KRABD5: variants seen among roughly 807,000 people sequenced by gnomAD.
The protein encoded by KRABD5 is KRAB domain-containing protein 5.
the KRABD5 span, chr16:31,755,724 A>G: frequency 8.0e-6 from 3 of 376,712 alleles, no homozygotes; most frequent in East Asian, 2.2e-4. Flanking sequence ...CTATAGTTGT[A>G]GTAAATGTGA....
the KRABD5 span, among the ~76,000 whole-genome samples, chr16:31,752,668 C>A: frequency 2.0e-5 from 3 of 152,008 alleles, no homozygotes; most frequent in Admixed American, 6.6e-5. Context: ...GAATTTTTGA[C>A]CAGCCTAAAT....
chr16:31,722,882 A>AC, the KRABD5 span: 5 of 1,130,968 alleles, frequency 4.4e-6, no homozygotes, highest in African/African-American at 1.6e-5. Flanking sequence ...CCAGGAAAAA[A>AC]AAATTGTGGG....
At chr16:31,713,604 C>T in the KRABD5 span, 2 of 1,004,836 alleles carry the variant, frequency 2.0e-6, no homozygotes, top group African/African-American at 3.4e-5. Context: ...AGCCGGGACC[C>T]CGCGCGTCCG....
chr16:31,753,680 C>T, the KRABD5 span: 72 of 1,260,604 alleles, frequency 5.7e-5, no homozygotes, highest in Middle Eastern at 8.4e-4. Flanking sequence ...GTGTTCTCAA[C>T]GTGATATAAT....
the KRABD5 span, among the ~76,000 whole-genome samples, chr16:31,727,263 T>C: frequency 6.6e-6 from 1 of 152,230 alleles, no homozygotes; most frequent in South Asian, 2.1e-4. Flanking sequence ...ATGAGTGCCT[T>C]TTATTTCTTT....
the KRABD5 span, chr16:31,754,951 A>T: frequency 2.2e-6 from 1 of 447,630 alleles, no homozygotes. Flanking sequence ...TTCACACTGG[A>T]GAAAAACTTT....
the KRABD5 span, chr16:31,713,459 C>G: frequency 6.2e-7 from 1 of 1,600,390 alleles, no homozygotes; most frequent in South Asian, 1.1e-5. Flanking sequence ...GTCGGGGGTC[C>G]CCAGAAGAGG....
the KRABD5 span, among the ~76,000 whole-genome samples, chr16:31,742,911 A>C: frequency 6.6e-6 from 1 of 152,194 alleles, no homozygotes; most frequent in East Asian, 1.9e-4. Context: ...TCTGATGATC[A>C]GTCATGTTGA....
the KRABD5 span, among the ~76,000 whole-genome samples, chr16:31,741,318 G>C: frequency 6.6e-6 from 1 of 152,164 alleles, no homozygotes; most frequent in Non-Finnish European, 1.5e-5. Flanking sequence ...TTTCCATTGG[G>C]TATATACTGA....
At chr16:31,721,910 A>T in the KRABD5 span, among the ~76,000 whole-genome samples, 2 of 152,224 alleles carry the variant, frequency 1.3e-5, no homozygotes, top group African/African-American at 2.4e-5. Context: ...CATTTGAACC[A>T]GTTCTGCAGT....
chr16:31,753,642 G>C, the KRABD5 span: 1 of 906,252 alleles, frequency 1.1e-6, no homozygotes, highest in Non-Finnish European at 1.6e-6. Flanking sequence ...AAACAAAGGG[G>C]CCTCAAGTTT....
the KRABD5 span, among the ~76,000 whole-genome samples, chr16:31,725,696 T>C: frequency 1.1e-4 from 17 of 152,208 alleles, no homozygotes; most frequent in Non-Finnish European, 1.8e-4. Context: ...TGATGGCTCA[T>C]TGAGGTTTGG....
chr16:31,759,242 CA>C, the KRABD5 span: 1 of 1,107,948 alleles, frequency 9.0e-7, no homozygotes, highest in Non-Finnish European at 1.3e-6. Flanking sequence ...GAACAAAATA[CA>C]GCTCAGGAAT....
At chr16:31,730,322 T>C in the KRABD5 span, among the ~76,000 whole-genome samples, 2 of 152,178 alleles carry the variant, frequency 1.3e-5, no homozygotes, top group African/African-American at 4.8e-5. Context: ...GTTGTCTTTT[T>C]TGTTTGTTTG....
chr16:31,723,473 G>C, the KRABD5 span: 7 of 976,388 alleles, frequency 7.2e-6, no homozygotes, highest in African/African-American at 8.4e-5. Flanking sequence ...AGACACCTGG[G>C]TTTATTTCTT....
At chr16:31,755,810 A>G in the KRABD5 span, 1 of 316,968 alleles carries the variant, frequency 3.2e-6, no homozygotes, top group Non-Finnish European at 6.2e-6. Flanking sequence ...CAGATTGAAT[A>G]AATGGGAGGA....
chr16:31,744,746 C>T, the KRABD5 span, among the ~76,000 whole-genome samples: 3 of 152,178 alleles, frequency 2.0e-5, no homozygotes, highest in Non-Finnish European at 4.4e-5. Flanking sequence ...GTGAATCCAT[C>T]TGGTCCTGGG....
chr16:31,745,268 T>C, the KRABD5 span, among the ~76,000 whole-genome samples: 1 of 152,220 alleles, frequency 6.6e-6, no homozygotes, highest in Non-Finnish European at 1.5e-5. Context: ...GTGCTATAAA[T>C]TTCCCTCTTA....
the KRABD5 span, among the ~76,000 whole-genome samples, chr16:31,719,237 T>C: frequency 6.6e-6 from 1 of 152,244 alleles, no homozygotes; most frequent in Admixed American, 6.5e-5. Context: ...CTGTCCTTAT[T>C]TGACCTTGTG....
Sources: gnomAD v4.1 joint callset for allele counts (sites outside exome capture counted in the v4.1 genomes callset) on GRCh38, gnomAD v4.1.1 for gene constraint, MANE v1.5 for transcripts, NCBI Gene and HGNC (gene_info 2026-07-23, HGNC 2026-07-21) for gene names.